HECW1: variants seen among roughly 807,000 people sequenced by gnomAD.
HECW1 encodes E3 ubiquitin-protein ligase HECW1.
HECW1 carries 61 observed loss-of-function variants against 182.3 expected under a neutral mutation model. The observed-to-expected ratio is 0.33, with a 90% CI of 0.27 to 0.41. The LOEUF (loss-of-function observed/expected upper bound fraction) is 0.41. HECW1 is among the 10% of genes least tolerant of loss of function. The pLI is 1.00. For synonymous variants in HECW1, 859 were observed against 832.6 expected (o/e 1.03, Z -0.55); for missense variants, 1,739 against 2,108.9 (o/e 0.82, Z 3.44).
At chr7:43,329,994 A>G (rs1046066200) in intron 5 of HECW1, among the ~76,000 whole-genome samples, 2 of 152,110 alleles carry the variant, frequency 1.3e-5, no homozygotes, top group Non-Finnish European at 2.9e-5. Flanking sequence ...TGAGAAGAGG[A>G]GAGTTGAGGA....
At chr7:43,397,503 G>A (rs561244426) in intron 7 of HECW1, among the ~76,000 whole-genome samples, 17 of 152,322 alleles carry the variant, frequency 1.1e-4, no homozygotes, top group South Asian at 4.1e-4. Context: ...GGCTGAGTAC[G>A]AAAAGAGAGT....
At chr7:43,172,093 C>T (rs780465575) in intron 2 of HECW1, among the ~76,000 whole-genome samples, 51 of 141,502 alleles carry the variant, frequency 3.6e-4, no homozygotes, top group Non-Finnish European at 7.3e-4. Flanking sequence ...GCCTGGCCAA[C>T]GTGATAAGAC....
At chr7:43,435,833 A>G (rs1291694766) in intron 8 of HECW1, among the ~76,000 whole-genome samples, 3 of 152,220 alleles carry the variant, frequency 2.0e-5, no homozygotes, top group East Asian at 1.9e-4. Flanking sequence ...AGCATGCCCA[A>G]CATATTTAAT....
chr7:43,383,555 A>T lies in HECW1; in HGVS notation c.556-13259A>T, dbSNP rs182176786. Among the ~76,000 whole-genome samples, 44 of 152,248 alleles carry T rather than the reference A, an allele frequency of 2.9e-4. No individual in the cohort carries two copies. The East Asian group carries it at 6.4e-3, about 22-fold the overall frequency. Reference sequence around the variant, plus strand: ...CCAGTGATGATGAGCTTTTTTACATATGTTTATTGGCCACATAAATACCTT... The same window carrying T: ...CCAGTGATGATGAGCTTTTTTACATTTGTTTATTGGCCACATAAATACCTT... On this transcript the variant is annotated intron_variant, in intron 6 of 29. Transcript: ENST00000395891.
At chr7:43,395,991 A>T (rs1349002076) in intron 6 of HECW1, among the ~76,000 whole-genome samples, 4 of 152,198 alleles carry the variant, frequency 2.6e-5, no homozygotes, top group Non-Finnish European at 5.9e-5. Flanking sequence ...ATTACCTTCT[A>T]AAAAATGGAC....
intron 5 of HECW1, among the ~76,000 whole-genome samples, chr7:43,358,003 C>T (rs1251341775): frequency 6.6e-6 from 1 of 152,040 alleles, no homozygotes. Flanking sequence ...CAATAGAGTT[C>T]AATGCAAGAT....
intron 8 of HECW1, 128 bp downstream of exon 8, chr7:43,407,859 T>G: frequency 1.2e-6 from 1 of 821,682 alleles, no homozygotes; most frequent in Non-Finnish European, 1.9e-6. Flanking sequence ...TGTCATGGTC[T>G]TAGAAGGGAG....
chr7:43,123,137 A>C (rs747460489), intron 2 of HECW1, among the ~76,000 whole-genome samples: 1 of 152,232 alleles, frequency 6.6e-6, no homozygotes. Context: ...TGCACTATTC[A>C]TGGAGCATCT....
intron 3 of HECW1, among the ~76,000 whole-genome samples, chr7:43,255,731 A>C (rs1427223572): frequency 6.6e-6 from 1 of 152,204 alleles, no homozygotes; most frequent in Non-Finnish European, 1.5e-5. Flanking sequence ...GAGCCAAGCC[A>C]GCCCCAGCTT....
At chr7:43,457,824 A>G (rs2077454598) in intron 13 of HECW1, among the ~76,000 whole-genome samples, 1 of 152,038 alleles carries the variant, frequency 6.6e-6, no homozygotes, top group African/African-American at 2.4e-5. Flanking sequence ...ATAAAAATGA[A>G]CTTCTGTTTA....
At chr7:43,244,554 C>T (rs997525885) in intron 3 of HECW1, among the ~76,000 whole-genome samples, 2 of 152,168 alleles carry the variant, frequency 1.3e-5, no homozygotes, top group Non-Finnish European at 2.9e-5. Context: ...TGGTTTGTGC[C>T]GAATGAGCTC....
At position 43,517,863 on chromosome 7, in the gene HECW1, T is replaced by C. The variant is rs199859744; in HGVS notation, c.4019+8742T>C. 3.3e-5 allele frequency among the ~76,000 whole-genome samples: 5 copies of C among 152,306 alleles called. No individual in the cohort carries two copies. In the East Asian group the frequency reaches 9.6e-4, roughly 29 times the overall value. On this transcript the variant is annotated intron_variant, in intron 24 of 29. Transcript: ENST00000395891. ...GCAAAAGTTAGATGAGAAGTCACCA[T>C]AGAATGTACGGGATTGGTTGGGATT...
chr7:43,397,295 T>G lies in HECW1; in HGVS notation c.631+406T>G, dbSNP rs79521723. Reference sequence around the variant, plus strand: ...TAACTGAGCCGCTCAAAAATGCTCATTCATGGAAAAAAAATCAGTGGAATC... The same window carrying G: ...TAACTGAGCCGCTCAAAAATGCTCAGTCATGGAAAAAAAATCAGTGGAATC... On this transcript the variant is annotated intron_variant, in intron 7 of 29. Transcript: ENST00000395891. Among the ~76,000 whole-genome samples the G allele has an allele frequency of 5.1e-3, 772 of 152,272 alleles. 6 individuals are homozygous for G. The highest frequency in any genetic ancestry group is 0.018 in the African/African-American group (736 of 41,560).
chr7:43,307,903 T>TAC (rs1807818964), intron 3 of HECW1, among the ~76,000 whole-genome samples: 1 of 135,928 alleles, frequency 7.4e-6, no homozygotes, highest in African/African-American at 2.8e-5. Flanking sequence ...TATACACATA[T>TAC]ATATATATAT....
chr7:43,326,824 C>A (rs911050935), intron 5 of HECW1, among the ~76,000 whole-genome samples: 1 of 152,206 alleles, frequency 6.6e-6, no homozygotes, highest in African/African-American at 2.4e-5. Context: ...TCCAGGGGAG[C>A]CGGTGGCCTT....
intron 4 of HECW1, among the ~76,000 whole-genome samples, chr7:43,313,281 A>C (rs1808765621): frequency 6.6e-6 from 1 of 152,234 alleles, no homozygotes; most frequent in Non-Finnish European, 1.5e-5. Context: ...ATTGTTCTTG[A>C]ATAAAAGTAG....
intron 2 of HECW1, among the ~76,000 whole-genome samples, chr7:43,242,034 C>T (rs1798942202): frequency 6.6e-6 from 1 of 151,842 alleles, no homozygotes; most frequent in Non-Finnish European, 1.5e-5. Context: ...TCCCAAGTGG[C>T]CAGAGTGTCA....
At position 43,445,001 on chromosome 7, in the gene HECW1, C is replaced by G. The variant is rs377717656; in HGVS notation, c.1829C>G (p.Pro610Arg). Residue 610 changes from proline (P) to arginine (R), a missense_variant, in exon 11 of 30, where the codon CCG (proline) becomes CGG (arginine). Pro to Arg is a moderately radical substitution (Grantham distance 103). Coordinates refer to ENST00000395891, the MANE Select transcript of HECW1 (RefSeq NM_015052.5). ...LSEVDTVAAD[P>R]SALEEDREEP... ...GAGGTGGACACGGTGGCCGCTGACC[C>G]GTCTGCCCTGGAAGAGGACAGAGAA... 38 of 1,555,894 alleles carry G rather than the reference C, an allele frequency of 2.4e-5. No homozygotes were observed. Among genetic ancestry groups the G allele is most frequent in the Non-Finnish European group, 3.3e-5 (38 of 1,149,766 alleles).
chr7:43,470,353 T>C (rs966392112), intron 16 of HECW1, among the ~76,000 whole-genome samples: 10 of 152,200 alleles, frequency 6.6e-5, no homozygotes, highest in African/African-American at 2.4e-4. Flanking sequence ...GACACCACCA[T>C]GTTCATCATG....
Sources: gnomAD v4.1 joint callset for allele counts (sites outside exome capture counted in the v4.1 genomes callset) on GRCh38, gnomAD v4.1.1 for gene constraint, MANE v1.5 for transcripts, NCBI Gene and HGNC (gene_info 2026-07-23, HGNC 2026-07-21) for gene names.